Variants in DMD observed in about 807,000 individuals in gnomAD.
DMD encodes the protein dystrophin.
Under a neutral mutation model 330.1 loss-of-function variants are expected in DMD, and 63 were observed. The observed-to-expected ratio is 0.19, with a 90% CI of 0.16 to 0.24. DMD has a LOEUF of 0.24. DMD is among the 10% of genes least tolerant of loss of function. The pLI is 1.00. For missense variants in DMD, 3,344 were observed against 2,684.1 expected (o/e 1.25, Z -5.43); for synonymous variants, 1,223 against 959.8 (o/e 1.27, Z -5.07).
chrX:33,153,099 A>G (rs2048353201), intron 1 of DMD, among the ~76,000 whole-genome samples: 1 of 112,823 alleles, frequency 8.9e-6, no homozygotes, highest in African/African-American at 3.2e-5. Flanking sequence ...TTTATATTTC[A>G]GAGAAAAAAT....
chrX:31,671,788 T>G (rs949179184), intron 53 of DMD, among the ~76,000 whole-genome samples: 4 of 111,896 alleles, frequency 3.6e-5, no homozygotes, highest in African/African-American at 1.3e-4. Context: ...ATTTGACCAT[T>G]TCTTTCCTAA....
At chrX:33,275,208 C>T (rs1414530445) in intron 1 of DMD, among the ~76,000 whole-genome samples, 1 of 112,105 alleles carries the variant, frequency 8.9e-6, no homozygotes, top group African/African-American at 3.2e-5. Context: ...AAATGTCATT[C>T]TTATATTCAT....
intron 30 of DMD, among the ~76,000 whole-genome samples, chrX:32,410,973 G>A (rs1196631570): frequency 9.0e-6 from 1 of 111,390 alleles, no homozygotes; most frequent in Non-Finnish European, 1.9e-5. Flanking sequence ...TATTGAGCAT[G>A]ATCATTAATA....
chrX:32,731,657 C>A (rs2067677220), intron 7 of DMD, among the ~76,000 whole-genome samples: 1 of 111,974 alleles, frequency 8.9e-6, no homozygotes, highest in Admixed American at 9.4e-5. Context: ...GGCATACTGA[C>A]ACCTCACACG....
intron 16 of DMD, among the ~76,000 whole-genome samples, chrX:32,558,344 G>A (rs2050561504): frequency 1.8e-5 from 2 of 111,912 alleles, no homozygotes; most frequent in Admixed American, 9.5e-5. Flanking sequence ...CTGAAGTAAT[G>A]AAACACATTC....
intron 45 of DMD, among the ~76,000 whole-genome samples, chrX:31,958,103 T>G (rs1387854151): frequency 9.7e-6 from 1 of 102,724 alleles, no homozygotes; most frequent in Non-Finnish European, 2.0e-5. Context: ...CCTGTTTTTT[T>G]TTTTTTTTTT....
intron 2 of DMD, among the ~76,000 whole-genome samples, chrX:33,009,945 C>CAT (rs372533765): frequency 0.41 from 19,890 of 47,954 alleles, 5,376 homozygotes; most frequent in East Asian, 0.58. Flanking sequence ...TGTATATACA[C>CAT]GTGTGTATGT....
At chrX:32,898,179 C>CAAGA (rs1313301316) in intron 2 of DMD, among the ~76,000 whole-genome samples, 2 of 111,804 alleles carry the variant, frequency 1.8e-5, no homozygotes, top group Non-Finnish European at 3.8e-5. Context: ...TAAATAAAAG[C>CAAGA]AAGACACTGG....
At chrX:31,460,344 G>C (rs1300523195) in intron 59 of DMD, among the ~76,000 whole-genome samples, 2 of 111,382 alleles carry the variant, frequency 1.8e-5, no homozygotes, top group African/African-American at 3.3e-5. Context: ...GACAAAGTAA[G>C]TTATAAAATG....
At chrX:31,552,962 AGCTACC>A (rs1332077610) in intron 55 of DMD, among the ~76,000 whole-genome samples, 1 of 111,896 alleles carries the variant, frequency 8.9e-6, no homozygotes, top group Non-Finnish European at 1.9e-5. Context: ...GAAGGAAGCA[AGCTACC>A]GCACAGAAGT....
chrX:31,879,217 G>GGGC (rs748838447), intron 47 of DMD, among the ~76,000 whole-genome samples: 1 of 103,781 alleles, frequency 9.6e-6, no homozygotes. Context: ...GGCGGGGGGG[G>GGGC]GCCTCACAAT....
chrX:32,544,705 G>A (rs1444320096), intron 17 of DMD, among the ~76,000 whole-genome samples: 2 of 110,535 alleles, frequency 1.8e-5, no homozygotes, highest in Non-Finnish European at 3.8e-5. Context: ...CGCAGACTGA[G>A]ACATCATGTT....
intron 54 of DMD, among the ~76,000 whole-genome samples, chrX:31,653,979 A>G (rs961891232): frequency 8.9e-6 from 1 of 111,888 alleles, no homozygotes; most frequent in African/African-American, 3.2e-5. Context: ...TTTTAAGCAT[A>G]AATGCCTATT....
intron 55 of DMD, among the ~76,000 whole-genome samples, chrX:31,528,997 T>TA (rs779212953): frequency 4.4e-4 from 49 of 110,313 alleles, no homozygotes; most frequent in Non-Finnish European, 7.6e-4. Flanking sequence ...AAAATAAAAA[T>TA]AAAAAAACAG....
In DMD at chrX:32,713,793, G is replaced by A. The variant is rs1470775966; in HGVS notation, c.650-14500C>T. 2.7e-5 allele frequency among the ~76,000 whole-genome samples: 3 copies of A among 111,585 alleles called. No homozygotes were observed. In the East Asian group the frequency reaches 8.5e-4, roughly 32 times the overall value. On this transcript the variant is annotated intron_variant, in intron 7 of 78. Coordinates refer to ENST00000357033, the MANE Select transcript of DMD (RefSeq NM_004006.3). ...CATGTGAGTGTGTAATTATACAGAT[G>A]CTCCTCGACTTATGACAGGGTTACA...
Position 31,720,287 on chromosome X carries a change from A to G in DMD, c.7660+9344T>C, listed in dbSNP as rs189080341. On this transcript the variant is annotated intron_variant, in intron 52 of 78. Transcript: ENST00000357033. ...AAGAAGTAGTAGGTACAAAATAATA[A>G]TCCCTACAATTTTCTATAACTTGAG... Among the ~76,000 whole-genome samples the G allele has an allele frequency of 2.7e-5, 3 of 112,212 alleles. No homozygotes were observed. In the East Asian group the frequency reaches 8.4e-4, roughly 31 times the overall value.
At chrX:32,151,726 T>C (rs934213835) in intron 44 of DMD, among the ~76,000 whole-genome samples, 4 of 69,071 alleles carry the variant, frequency 5.8e-5, no homozygotes, top group Non-Finnish European at 1.4e-4. Context: ...ACATGGTTTA[T>C]TGTTTTTTGT....
chrX:32,505,918 C>T lies in DMD; in HGVS notation c.2293-4076G>A, dbSNP rs1338812124. On this transcript the variant is annotated intron_variant, in intron 18 of 78. Coordinates refer to ENST00000357033, the MANE Select transcript of DMD (RefSeq NM_004006.3). ...AATCTGAAAAGGCTATATATTTTAC[C>T]GCAGGATTTCACCCTAGATTCCAAT... 2.7e-5 allele frequency among the ~76,000 whole-genome samples: 3 copies of T among 111,710 alleles called. No homozygotes were observed. The Admixed American group carries it at 2.9e-4, about 11-fold the overall frequency.
At chrX:33,207,935 A>G (rs905310438) in intron 1 of DMD, among the ~76,000 whole-genome samples, 4 of 111,520 alleles carry the variant, frequency 3.6e-5, no homozygotes, top group East Asian at 2.8e-4. Flanking sequence ...ATATTCCAAT[A>G]CGAACCAACT....
Sources: allele counts gnomAD v4.1 joint callset (sites outside exome capture counted in the v4.1 genomes callset), GRCh38; gene constraint gnomAD v4.1.1; transcripts MANE v1.5; gene names NCBI Gene and HGNC (gene_info 2026-07-23, HGNC 2026-07-21).